MCC: variants seen among roughly 807,000 people sequenced by gnomAD.
MCC encodes the protein colorectal mutant cancer protein.
MCC carries 90 observed loss-of-function variants against 116.2 expected under a neutral mutation model. The observed-to-expected ratio is 0.77, with a 90% CI of 0.65 to 0.92. MCC has a LOEUF of 0.92. Ranked by LOEUF, MCC falls within the 40% of genes least tolerant of loss-of-function variation. The pLI is 0.00. For missense variants in MCC, 1,516 were observed against 1,312.2 expected, an observed-to-expected ratio of 1.16 and a Z score of -2.40; for synonymous variants, 578 against 510.5, an observed-to-expected ratio of 1.13 and a Z score of -1.78.
rs79621329 is a variant in MCC at position 113,061,603 on chromosome 5, T to C, written c.2213+2381A>G. On this transcript the variant is annotated intron_variant, in intron 14 of 18. Coordinates refer to ENST00000408903, the MANE Select transcript of MCC (RefSeq NM_001085377.2). ...CAGTCAACTGAGGGTTGGCTATCAC[T>C]TTTATTCTCCTTGCTGGTTAACTAC... Among the ~76,000 whole-genome samples the C allele has an allele frequency of 2.0e-4, 31 of 152,330 alleles. No homozygotes were observed. The East Asian group carries it at 5.8e-3, about 28-fold the overall frequency.
intron 3 of MCC, among the ~76,000 whole-genome samples, chr5:113,313,002 A>C (rs1767171698): frequency 6.6e-6 from 1 of 152,124 alleles, no homozygotes; most frequent in Admixed American, 6.5e-5. Flanking sequence ...AGACACACAA[A>C]AAACAGACTT....
rs559157066 is a variant in MCC at position 113,361,140 on chromosome 5, C to T, written c.416-20410G>A. Among the ~76,000 whole-genome samples, 7 of 152,240 alleles carry T rather than the reference C, an allele frequency of 4.6e-5. No individual in the cohort carries two copies. In the East Asian group the frequency reaches 1.3e-3, roughly 29 times the overall value. ...TTGCCTGTTTAGCAGTAAAACTCTT[C>T]TACTCAGCAATCAATCCTGGCTTTC... On this transcript the variant is annotated intron_variant, in intron 2 of 18. Coordinates refer to ENST00000408903, the MANE Select transcript of MCC (RefSeq NM_001085377.2).
intron 3 of MCC, among the ~76,000 whole-genome samples, chr5:113,160,248 G>C (rs1262161272): frequency 6.6e-6 from 1 of 152,192 alleles, no homozygotes; most frequent in African/African-American, 2.4e-5. Context: ...TAAATGGTTA[G>C]GAAATGGCTC....
At chr5:113,406,504 T>G (rs975649607) in intron 1 of MCC, among the ~76,000 whole-genome samples, 1 of 152,200 alleles carries the variant, frequency 6.6e-6, no homozygotes, top group Non-Finnish European at 1.5e-5. Flanking sequence ...CAGGTGAAAC[T>G]GTCCTGGTCC....
intron 5 of MCC, among the ~76,000 whole-genome samples, chr5:113,142,796 G>C (rs1304558837): frequency 6.6e-6 from 1 of 152,192 alleles, no homozygotes; most frequent in Non-Finnish European, 1.5e-5. Flanking sequence ...AAATCTCCAA[G>C]GGAGGGACAC....
intron 1 of MCC, among the ~76,000 whole-genome samples, chr5:113,462,386 T>C (rs1771766751): frequency 6.6e-6 from 1 of 152,234 alleles, no homozygotes; most frequent in African/African-American, 2.4e-5. Context: ...CACTGGGAAA[T>C]AGCACCTCAG....
At chr5:113,207,150 G>T (rs1008455864) in intron 3 of MCC, among the ~76,000 whole-genome samples, 2 of 152,182 alleles carry the variant, frequency 1.3e-5, no homozygotes, top group Non-Finnish European at 2.9e-5. Flanking sequence ...GGTTACACAT[G>T]AATTTGGGGG....
chr5:113,195,001 C>G (rs1762327300), intron 3 of MCC, among the ~76,000 whole-genome samples: 1 of 152,238 alleles, frequency 6.6e-6, no homozygotes, highest in Non-Finnish European at 1.5e-5. Context: ...ATGTTTAACT[C>G]TGAATAGAAC....
chr5:113,222,440 A>C (rs1257647101), intron 3 of MCC, among the ~76,000 whole-genome samples: 1 of 152,182 alleles, frequency 6.6e-6, no homozygotes, highest in African/African-American at 2.4e-5. Flanking sequence ...TAAAGTTCCT[A>C]AGTATTCCCT....
intron 1 of MCC, among the ~76,000 whole-genome samples, chr5:113,394,640 A>G (rs1000390620): frequency 6.6e-6 from 1 of 151,796 alleles, no homozygotes; most frequent in African/African-American, 2.4e-5. Flanking sequence ...CTTTCTTCAA[A>G]CTCCAGCGCA....
At chr5:113,486,093 C>T (rs374371435) in intron 1 of MCC, among the ~76,000 whole-genome samples, 26 of 152,192 alleles carry the variant, frequency 1.7e-4, no homozygotes, top group African/African-American at 5.1e-4. Context: ...CCAGGTAAAA[C>T]TGTGCTTACC....
intron 1 of MCC, among the ~76,000 whole-genome samples, chr5:113,415,759 G>A (rs1770127094): frequency 6.6e-6 from 1 of 152,160 alleles, no homozygotes; most frequent in Admixed American, 6.5e-5. Flanking sequence ...ACCTTCTGAA[G>A]CCTACTTCTG....
chr5:113,426,051 C>G (rs1381114125), intron 1 of MCC, among the ~76,000 whole-genome samples: 1 of 152,028 alleles, frequency 6.6e-6, no homozygotes. Flanking sequence ...GCCAGGTCCT[C>G]AAGGGACTGA....
chr5:113,411,616 C>G (rs1237669911), intron 1 of MCC, among the ~76,000 whole-genome samples: 5 of 151,650 alleles, frequency 3.3e-5, no homozygotes, highest in Non-Finnish European at 7.4e-5. Context: ...CACCCACAAT[C>G]TATAATCAGA....
chr5:113,485,603 A>C (rs1400229081), intron 1 of MCC, among the ~76,000 whole-genome samples: 2 of 152,168 alleles, frequency 1.3e-5, no homozygotes, highest in East Asian at 3.8e-4. Flanking sequence ...AGACAGGGCA[A>C]TCACCTTTGG....
intron 17 of MCC, among the ~76,000 whole-genome samples, chr5:113,031,388 G>A (rs895914996): frequency 6.6e-6 from 1 of 152,088 alleles, no homozygotes; most frequent in East Asian, 1.9e-4. Context: ...GGTGTTGCAG[G>A]AGGGGGGCTC....
intron 12 of MCC, among the ~76,000 whole-genome samples, chr5:113,070,505 AC>A (rs1753962798): frequency 1.3e-5 from 2 of 151,984 alleles, no homozygotes; most frequent in Admixed American, 1.3e-4. Flanking sequence ...ATGCCTGAAG[AC>A]CAGGAAAATA....
intron 6 of MCC, among the ~76,000 whole-genome samples, chr5:113,112,553 A>G (rs1187688891): frequency 6.6e-6 from 1 of 152,160 alleles, no homozygotes; most frequent in Admixed American, 6.5e-5. Context: ...AATCAATTAA[A>G]CCTCTTTTTT....
At chr5:113,419,441 C>T (rs556931219) in intron 1 of MCC, among the ~76,000 whole-genome samples, 16 of 152,026 alleles carry the variant, frequency 1.1e-4, no homozygotes, top group Admixed American at 9.2e-4. Flanking sequence ...AAGCAATCCT[C>T]CCACCTCAAG....
Sources: allele counts gnomAD v4.1 joint callset (sites outside exome capture counted in the v4.1 genomes callset), GRCh38; gene constraint gnomAD v4.1.1; transcripts MANE v1.5; gene names NCBI Gene and HGNC (gene_info 2026-07-23, HGNC 2026-07-21).